The following MAP4 variants were observed in gnomAD, a reference collection of about 807,000 sequenced individuals.
MAP4 encodes microtubule-associated protein 4.
A neutral mutation model predicts 170.2 loss-of-function variants in MAP4; 76 were observed. The observed-to-expected ratio is 0.45, with a 90% CI of 0.37 to 0.54. The LOEUF is 0.54. Among genes scored for constraint, MAP4 ranks in the 20% least tolerant of loss-of-function variants. MAP4 has a pLI of 0.00. For missense variants in MAP4, 2,506 were observed against 2,748.0 expected, an observed-to-expected ratio of 0.91 and a Z score of 1.97; for synonymous variants, 909 against 994.5, an observed-to-expected ratio of 0.91 and a Z score of 1.62.
At chr3:47,866,709 A>ACAC (rs1190874813) in intron 17 of MAP4, among the ~76,000 whole-genome samples, 1 of 152,194 alleles carries the variant, frequency 6.6e-6, no homozygotes, top group Non-Finnish European at 1.5e-5. Flanking sequence ...AGCTGAGATC[A>ACAC]CACCACTGCA....
At chr3:47,880,471 T>TTTG (rs1359939301) in intron 10 of MAP4, among the ~76,000 whole-genome samples, 2 of 145,496 alleles carry the variant, frequency 1.4e-5, no homozygotes, top group South Asian at 2.2e-4. Flanking sequence ...TTCAGTTTTT[T>TTTG]TTTTTTTTTT....
intron 1 of MAP4, among the ~76,000 whole-genome samples, chr3:48,002,299 AC>A (rs1414325882): frequency 6.6e-6 from 1 of 151,576 alleles, no homozygotes; most frequent in African/African-American, 2.4e-5. Context: ...GGTGGTTCAC[AC>A]CTGTAATCCC....
At chr3:47,898,835 AG>A (rs1333287421) in intron 10 of MAP4, among the ~76,000 whole-genome samples, 3 of 152,234 alleles carry the variant, frequency 2.0e-5, no homozygotes, top group Admixed American at 6.5e-5. Flanking sequence ...GCATGCCCAT[AG>A]TACTAGCTAC....
intron 1 of MAP4, among the ~76,000 whole-genome samples, chr3:48,026,861 A>G (rs1040388287): frequency 1.3e-5 from 2 of 152,254 alleles, no homozygotes; most frequent in Admixed American, 6.5e-5. Flanking sequence ...CTAAGAAAAT[A>G]CTGTCACTGT....
intron 10 of MAP4, among the ~76,000 whole-genome samples, chr3:47,887,493 T>G (rs77273922): frequency 6.6e-6 from 1 of 152,054 alleles, no homozygotes; most frequent in Admixed American, 6.5e-5. Context: ...CTCCCACCCC[T>G]CCATGGGCTC....
chr3:48,061,481 C>T (rs933066261), intron 1 of MAP4, among the ~76,000 whole-genome samples: 7 of 152,178 alleles, frequency 4.6e-5, no homozygotes, highest in East Asian at 1.9e-4. Context: ...GATGGAGTCT[C>T]GTTCACTCAG....
At chr3:47,906,839 TC>T (rs2100033367) in intron 9 of MAP4, among the ~76,000 whole-genome samples, 1 of 150,948 alleles carries the variant, frequency 6.6e-6, no homozygotes, top group African/African-American at 2.4e-5. Flanking sequence ...TTATACTGAT[TC>T]TTTTTTTTTT....
intron 8 of MAP4, among the ~76,000 whole-genome samples, 190 bp from the exon 9 acceptor site, chr3:47,912,611 G>A (rs541241764): frequency 3.3e-5 from 5 of 152,238 alleles, no homozygotes; most frequent in Admixed American, 2.6e-4. Context: ...TTTAACTGGC[G>A]CTAGCAAAAA....
At chr3:47,968,181 T>C (rs1321150455) in intron 3 of MAP4, among the ~76,000 whole-genome samples, 1 of 152,186 alleles carries the variant, frequency 6.6e-6, no homozygotes, top group Non-Finnish European at 1.5e-5. Context: ...GATACTGCAA[T>C]ACCTCACTTT....
chr3:47,926,018 C>T (rs1051706189), intron 4 of MAP4, among the ~76,000 whole-genome samples: 1 of 151,008 alleles, frequency 6.6e-6, no homozygotes, highest in African/African-American at 2.4e-5. Flanking sequence ...CCATGCCTGG[C>T]TATTTTTTTA....
chr3:48,035,087 T>C (rs2100118093), intron 1 of MAP4, among the ~76,000 whole-genome samples: 1 of 151,630 alleles, frequency 6.6e-6, no homozygotes, highest in Middle Eastern at 3.4e-3. Flanking sequence ...AGAAAAACTT[T>C]CAGAATTGTT....
At chr3:47,868,429 C>T (rs560489595) in intron 16 of MAP4, among the ~76,000 whole-genome samples, 1 of 152,258 alleles carries the variant, frequency 6.6e-6, no homozygotes, top group African/African-American at 2.4e-5. Context: ...AACCTAGGAC[C>T]TCTAGTAGTC....
intron 1 of MAP4, among the ~76,000 whole-genome samples, chr3:48,055,202 CTCCGT>C (rs2100130264): frequency 9.0e-6 from 1 of 111,674 alleles, no homozygotes; most frequent in East Asian, 2.1e-4. Flanking sequence ...CCCTCTCCGT[CTCCGT>C]CTCCGTCTCC....
At chr3:47,940,626 T>TA (rs1436011325) in intron 3 of MAP4, among the ~76,000 whole-genome samples, 2 of 152,174 alleles carry the variant, frequency 1.3e-5, no homozygotes, top group Non-Finnish European at 2.9e-5. Flanking sequence ...GCTAAACACT[T>TA]AAAGTACTAA....
chr3:47,924,417 T>C (rs2100044648), intron 4 of MAP4, among the ~76,000 whole-genome samples: 1 of 152,204 alleles, frequency 6.6e-6, no homozygotes, highest in Non-Finnish European at 1.5e-5. Flanking sequence ...ATGTAGCATG[T>C]TTCCAAATCT....
intron 11 of MAP4, among the ~76,000 whole-genome samples, chr3:47,876,453 G>T (rs2152447749): frequency 6.6e-6 from 1 of 152,210 alleles, no homozygotes; most frequent in Non-Finnish European, 1.5e-5. Context: ...CTTAATGATA[G>T]TGGCACAAAT....
At chr3:48,029,428 T>A (rs888757332) in intron 1 of MAP4, among the ~76,000 whole-genome samples, 5 of 152,018 alleles carry the variant, frequency 3.3e-5, no homozygotes, top group African/African-American at 1.2e-4. Flanking sequence ...AGAGCGAGAC[T>A]CTGTCTCTAA....
intron 1 of MAP4, among the ~76,000 whole-genome samples, chr3:48,060,041 C>A (rs879084748): frequency 1.3e-5 from 2 of 151,860 alleles, no homozygotes; most frequent in Non-Finnish European, 2.9e-5. Flanking sequence ...AATCATATCA[C>A]ATTTAATATA....
At chr3:47,899,657 C>A (rs1035005215) in intron 10 of MAP4, among the ~76,000 whole-genome samples, 12 of 152,326 alleles carry the variant, frequency 7.9e-5, no homozygotes, top group African/African-American at 2.9e-4. Context: ...GCTTGACTCA[C>A]AGTAAATAAG....
Sources: gnomAD v4.1 joint callset for allele counts (sites outside exome capture counted in the v4.1 genomes callset) on GRCh38, gnomAD v4.1.1 for gene constraint, MANE v1.5 for transcripts, NCBI Gene and HGNC (gene_info 2026-07-23, HGNC 2026-07-21) for gene names.